CALB2: variants seen among roughly 807,000 people sequenced by gnomAD.
CALB2 encodes the protein calretinin.
A neutral mutation model predicts 45.9 loss-of-function variants in CALB2; 34 were observed. The ratio of observed to expected loss-of-function variants is 0.74; its 90% CI spans 0.56 to 0.99. The LOEUF (loss-of-function observed/expected upper bound fraction) is 0.99, where lower values mean the gene tolerates loss of function less well. Among genes scored for constraint, CALB2 ranks in the 50% least tolerant of loss-of-function variants. The pLI, the probability that CALB2 is intolerant of heterozygous loss-of-function variation, is 0.00. For synonymous variants in CALB2, 142 were observed against 129.6 expected, an observed-to-expected ratio of 1.10 and a Z score of -0.65; for missense variants, 344 against 339.3, an observed-to-expected ratio of 1.01 and a Z score of -0.11.
chr16:71,387,281 T>C (rs1217862331), intron 10 of CALB2, among the ~76,000 whole-genome samples: 4 of 152,252 alleles, frequency 2.6e-5, no homozygotes, highest in Admixed American at 6.5e-5. Flanking sequence ...GATTCTGCTG[T>C]TGGGATTCAG....
At chr16:71,373,501 G>C (rs1401730634) in intron 2 of CALB2, among the ~76,000 whole-genome samples, 2 of 152,224 alleles carry the variant, frequency 1.3e-5, no homozygotes, top group Non-Finnish European at 2.9e-5. Flanking sequence ...TTTTTATGAA[G>C]TGCTTTGCAT....
chr16:71,373,554 C>T (rs979029291), intron 2 of CALB2, among the ~76,000 whole-genome samples: 13 of 152,160 alleles, frequency 8.5e-5, no homozygotes, highest in African/African-American at 1.7e-4. Flanking sequence ...AGATGTCATC[C>T]GGGTAATTTT....
chr16:71,366,347 G>GTTTTT (rs2042288723), intron 1 of CALB2, among the ~76,000 whole-genome samples: 2 of 13,402 alleles, frequency 1.5e-4, no homozygotes, highest in Non-Finnish European at 1.4e-4. Context: ...TTTTTTTTGA[G>GTTTTT]AGAGAGAGAG....
At chr16:71,388,542 A>G (rs887232403) in intron 10 of CALB2, among the ~76,000 whole-genome samples, 1 of 152,082 alleles carries the variant, frequency 6.6e-6, no homozygotes, top group African/African-American at 2.4e-5. Flanking sequence ...AGGTGTTGGT[A>G]TTTAATATGG....
At chr16:71,363,121 C>G (rs1159947838) in intron 1 of CALB2, among the ~76,000 whole-genome samples, 1 of 152,048 alleles carries the variant, frequency 6.6e-6, no homozygotes, top group Non-Finnish European at 1.5e-5. Flanking sequence ...GTAGTCCAAG[C>G]CTGCAGTGAG....
intron 1 of CALB2, among the ~76,000 whole-genome samples, chr16:71,364,410 C>A (rs1047958535): frequency 6.6e-6 from 1 of 152,232 alleles, no homozygotes; most frequent in Non-Finnish European, 1.5e-5. Flanking sequence ...TCAGGGAAAT[C>A]AATTCCAAAA....
chr16:71,389,379 A>G, intron 10 of CALB2: 1 of 443,326 alleles, frequency 2.3e-6, no homozygotes, highest in Non-Finnish European at 4.6e-6. Context: ...TACATAGATC[A>G]TGACTGTCAC....
chr16:71,383,596 G>A (rs952483298), intron 6 of CALB2, 152 bp downstream of exon 6: 19 of 695,926 alleles, frequency 2.7e-5, no homozygotes, highest in African/African-American at 2.3e-4. Context: ...ATGCTACTTC[G>A]TGGCTTCACA....
chr16:71,370,497 C>A (rs1792702224), intron 1 of CALB2, among the ~76,000 whole-genome samples: 1 of 151,708 alleles, frequency 6.6e-6, no homozygotes, highest in South Asian at 2.1e-4. Flanking sequence ...AAAAAAAAAT[C>A]ATGGTGCTTA....
chr16:71,367,210 C>T (rs1701060443), intron 1 of CALB2, among the ~76,000 whole-genome samples: 1 of 152,192 alleles, frequency 6.6e-6, no homozygotes, highest in Non-Finnish European at 1.5e-5. Context: ...GGGTCTCTGG[C>T]TCTCACTTCG....
intron 10 of CALB2, 158 bp from the exon 11 acceptor site, chr16:71,389,591 C>G: frequency 1.3e-6 from 1 of 758,690 alleles, no homozygotes; most frequent in African/African-American, 1.7e-5. Flanking sequence ...CTCCATCTGT[C>G]TGACTCCAAA....
intron 10 of CALB2, among the ~76,000 whole-genome samples, chr16:71,386,451 G>C (rs1209546961): frequency 6.6e-6 from 1 of 152,196 alleles, no homozygotes; most frequent in Non-Finnish European, 1.5e-5. Flanking sequence ...GCTGGGGGAG[G>C]GGTTAAAAGG....
chr16:71,374,727 C>T lies in CALB2; in HGVS notation c.172-18C>T. 6.4e-7 allele frequency: 1 copy of T among 1,564,052 alleles called. No individual in the cohort carries two copies. The highest frequency in any genetic ancestry group is 8.8e-7 in the Non-Finnish European group (1 of 1,134,950). ...TGAGATACAGCAGCAAAAATCAGCC[C>T]CCTTTGTCTTTCCACAGATGTCAAA... On this transcript the variant is annotated intron_variant, in intron 2 of 10. Coordinates refer to ENST00000302628, the MANE Select transcript of CALB2 (RefSeq NM_001740.5).
At chr16:71,374,961 C>T (rs915077197) in intron 3 of CALB2, 127 bp downstream of exon 3, 2 of 618,798 alleles carry the variant, frequency 3.2e-6, no homozygotes, top group Non-Finnish European at 5.8e-6. Flanking sequence ...GCACCCCCAG[C>T]ACTTGGGCTG....
At chr16:71,378,206 CAGAG>C (rs2042440490) in intron 4 of CALB2, among the ~76,000 whole-genome samples, 2 of 152,040 alleles carry the variant, frequency 1.3e-5, no homozygotes, top group South Asian at 4.2e-4. Flanking sequence ...GCTTGGGTGA[CAGAG>C]AGAGACTCCG....
intron 4 of CALB2, among the ~76,000 whole-genome samples, chr16:71,379,253 G>C (rs1001962043): frequency 6.7e-6 from 1 of 150,294 alleles, no homozygotes; most frequent in Non-Finnish European, 1.5e-5. Flanking sequence ...CTCCAGCCTG[G>C]GCGACAAAGA....
At chr16:71,359,166 C>T (rs2042213619) in intron 1 of CALB2, among the ~76,000 whole-genome samples, 2 of 152,240 alleles carry the variant, frequency 1.3e-5, no homozygotes, top group South Asian at 4.1e-4. Flanking sequence ...GTGGCCTGGG[C>T]TGGGAAGGCC....
Position 71,358,883 on chromosome 16 carries a change from G to A in CALB2, c.91G>A (p.Asp31Asn). Reference protein sequence around the residue: ...FLEIWKHFDADGNGYIEGKEL... With the variant: ...FLEIWKHFDANGNGYIEGKEL... The stretch of plus-strand genomic sequence containing the variant: ...GGAAATATGGAAGCACTTTGACGCA[G>A]ACGGTCAGTAAAGCTCCCAACTTCT... Residue 31 changes from aspartate to asparagine, a missense_variant, in exon 1 of 11, where the codon GAC becomes AAC. This residue lies in a region of CALB2 where 77 missense variants were observed against 80.5 expected (regional missense o/e 0.96). Coordinates refer to ENST00000302628, the MANE Select transcript of CALB2 (RefSeq NM_001740.5). The A allele has an allele frequency of 6.2e-7, 1 of 1,612,868 alleles. No individual in the cohort carries two copies. Among genetic ancestry groups the A allele is most frequent in the Non-Finnish European group, 8.5e-7 (1 of 1,179,580 alleles).
chr16:71,367,599 C>A (rs941446046), intron 1 of CALB2, among the ~76,000 whole-genome samples: 4 of 152,136 alleles, frequency 2.6e-5, no homozygotes, highest in Non-Finnish European at 5.9e-5. Context: ...CTCCTGTGTT[C>A]CTCACTGTCT....
Sources: gnomAD v4.1 joint callset for allele counts (sites outside exome capture counted in the v4.1 genomes callset) on GRCh38, gnomAD v4.1.1 for gene constraint, gnomAD v4.1.1 regional missense constraint, MANE v1.5 for transcripts, NCBI Gene and HGNC (gene_info 2026-07-23, HGNC 2026-07-21) for gene names.